MYO15B: variants seen among roughly 807,000 people sequenced by gnomAD.
MYO15B encodes myosin XVB.
MYO15B carries 207 observed loss-of-function variants against 119.3 expected under a neutral mutation model. The ratio of observed to expected loss-of-function variants is 1.73; its 90% CI spans 1.55 to 1.95. MYO15B has a LOEUF of 1.95. Among genes scored for constraint, MYO15B ranks in the 30% most tolerant of loss-of-function variants. MYO15B has a pLI of 0.00. For synonymous variants in MYO15B, 966 were observed against 498.9 expected (o/e 1.94, Z -12.48); for missense variants, 2,264 against 1,203.1 (o/e 1.88, Z -13.04).
chr17:75,592,653 T>C, intron 8 of MYO15B, 26 bp from the exon 9 acceptor site: 1 of 680,804 alleles, frequency 1.5e-6, no homozygotes, highest in East Asian at 2.7e-5. Flanking sequence ...CAGGCCCCGC[T>C]CCCTCACCCC....
exon 1 of MYO15B, chr17:75,588,353 G>T: frequency 5.0e-6 from 2 of 398,576 alleles, no homozygotes; most frequent in Non-Finnish European, 8.8e-6. Flanking sequence ...CAGCGTCAGG[G>T]ACGCGGGCCC....
chr17:75,614,501 C>T, intron 30 of MYO15B, 82 bp from the exon 31 acceptor site: 1 of 677,506 alleles, frequency 1.5e-6, no homozygotes, highest in African/African-American at 1.8e-5. Context: ...GGGGTGACCC[C>T]CGCAGCAGCT....
At chr17:75,615,975 G>A (rs987847724) in intron 36 of MYO15B, 91 bp downstream of exon 36, 2 of 598,014 alleles carry the variant, frequency 3.3e-6, no homozygotes, top group Non-Finnish European at 6.0e-6. Context: ...CAGACACAGG[G>A]AAGAGGCTGC....
exon 4 of MYO15B, chr17:75,591,203 G>A: frequency 1.4e-6 from 1 of 702,934 alleles, no homozygotes; most frequent in Non-Finnish European, 2.6e-6. Context: ...ATCAGCCTAT[G>A]ACCTGGCTCA....
At chr17:75,603,796 T>G (rs760087997) in intron 19 of MYO15B, among the ~76,000 whole-genome samples, 225 of 152,294 alleles carry the variant, frequency 1.5e-3, no homozygotes, top group Middle Eastern at 6.8e-3. Flanking sequence ...TTCAGAAACC[T>G]CCAAGAAAAG....
At chr17:75,626,632 G>C in exon 64 of MYO15B, 1 of 623,524 alleles carries the variant, frequency 1.6e-6, no homozygotes, top group Non-Finnish European at 2.9e-6. Context: ...ATGAGGCAGG[G>C]GCTGCTATCA....
chr17:75,596,049 C>T (rs1298098231), intron 12 of MYO15B, among the ~76,000 whole-genome samples: 2 of 152,222 alleles, frequency 1.3e-5, no homozygotes, highest in Non-Finnish European at 2.9e-5. Flanking sequence ...CTGCATGAAG[C>T]TTCCTAAGAG....
At chr17:75,611,886 G>A in exon 25 of MYO15B, 1 of 702,894 alleles carries the variant, frequency 1.4e-6, no homozygotes, top group Non-Finnish European at 2.6e-6. Context: ...TTGTTCCCAG[G>A]CCATCGGGAC....
intron 51 of MYO15B, 36 bp from the exon 52 acceptor site, chr17:75,621,465 C>T (rs2058707195): frequency 8.6e-6 from 6 of 698,912 alleles, no homozygotes; most frequent in African/African-American, 1.7e-5. Context: ...ACCCCCACGG[C>T]CCCCCAGACC....
intron 21 of MYO15B, among the ~76,000 whole-genome samples, chr17:75,606,423 G>A (rs566557161): frequency 2.7e-5 from 4 of 150,154 alleles, no homozygotes; most frequent in Admixed American, 1.3e-4. Context: ...CAAGTGATTC[G>A]CCTGCCTCAG....
In MYO15B at chr17:75,619,205, G is replaced by C. The variant is rs1322449388; in HGVS notation, c.7050G>C (p.Met2350Ile). Reference sequence around the variant, plus strand: ...TTTCCCAGAATGAGCGGCGGAAAATGAAAGACCTGCTGGGTATGGGTCCAG... The same window carrying C: ...TTTCCCAGAATGAGCGGCGGAAAATCAAAGACCTGCTGGGTATGGGTCCAG... The change falls in exon 44 of 64, where the codon ATG (methionine) becomes ATC (isoleucine). Residue 2350 changes from methionine (M) to isoleucine (I), a missense_variant. Physicochemically the swap from Met to Ile is conservative, Grantham distance 10 (BLOSUM62 1). Transcript: ENST00000645453. 5 of 702,722 alleles carry C rather than the reference G, an allele frequency of 7.1e-6. No homozygotes were observed. The Admixed American group carries it at 8.0e-5, about 11-fold the overall frequency. 43.5% of individuals were successfully genotyped at this position (702,722 alleles called of 1,614,324 possible). A position where few individuals can be genotyped will look rare whatever the true frequency, so the allele number is the denominator to read the frequency against.
exon 38 of MYO15B, chr17:75,616,380 CAGGAGGAGGAGGAGG>C (rs368250560): frequency 3.3e-4 from 200 of 610,020 alleles, no homozygotes; most frequent in Non-Finnish European, 5.3e-4. Context: ...GGGGGAAGCG[CAGGAGGAGGAGGAGG>C]AGGAGGAGGA....
rs953610712 is a variant in MYO15B, at chr17:75,588,021, C to G, written c.-37C>G. The G allele has an allele frequency of 2.5e-5, 10 of 398,438 alleles. No individual in the cohort carries two copies. The Admixed American group carries it at 3.5e-4, about 14-fold the overall frequency. 24.7% of individuals were successfully genotyped at this position (398,438 alleles called of 1,614,324 possible). A position where few individuals can be genotyped will look rare whatever the true frequency, so the allele number is the denominator to read the frequency against. ...CCAAATCCCCGGGGAGGGGAAAGGA[C>G]CTGGGCGTCGGGAAGCCCGTCTCCT... On this transcript the variant is annotated 5_prime_UTR_variant, in exon 1 of 64. Transcript: ENST00000645453.
chr17:75,596,497 A>G (rs1279901420), exon 13 of MYO15B: 31 of 702,900 alleles, frequency 4.4e-5, no homozygotes, highest in East Asian at 3.5e-4. Flanking sequence ...CTGTGCAACA[A>G]CCTCGCCAGC....
In MYO15B at chr17:75,591,458, A is replaced by G; in HGVS notation, c.2436-143A>G. On this transcript the variant is annotated intron_variant, in intron 4 of 63. Coordinates refer to ENST00000645453, the Ensembl canonical transcript of MYO15B. ...TTTTTCTTTTCTGTCGGGTCTCTCC[A>G]TGCCCTGGGACTATCTTTCCACATT... is the stretch of plus-strand genomic sequence containing the variant. 6.3e-6 allele frequency: 4 copies of G among 634,042 alleles called. No homozygotes were observed. The South Asian group carries it at 7.2e-5, about 11-fold the overall frequency. The allele number at this position is 634,042 out of a possible 1,614,324, so 39.3% of individuals were successfully genotyped here. A position where few individuals can be genotyped will look rare whatever the true frequency, so the allele number is the denominator to read the frequency against.
chr17:75,601,523 T>C, exon 15 of MYO15B: 1 of 703,138 alleles, frequency 1.4e-6, no homozygotes, highest in Non-Finnish European at 2.6e-6. Flanking sequence ...CCCCTGCCCG[T>C]GTTCACCGTG....
Position 75,610,846 on chromosome 17 carries a change from C to T in MYO15B, c.4387-54C>T, listed in dbSNP as rs532289828. 7.1e-6 allele frequency: 5 copies of T among 702,348 alleles called. 1 individual carries two copies. The highest frequency in any genetic ancestry group is 4.7e-4 in the Middle Eastern group (2 of 4,262). The allele number at this position is 702,348 out of a possible 1,614,324, so 43.5% of individuals were successfully genotyped here. A position where few individuals can be genotyped will look rare whatever the true frequency, so the allele number is the denominator to read the frequency against. ...GCTGAACTTCAGAGCTGGGGAGGTG[C>T]CCCCAGGTGACTCACATGGGAGGCA... On this transcript the variant is annotated intron_variant, in intron 22 of 63. Coordinates refer to ENST00000645453, the Ensembl canonical transcript of MYO15B.
Position 75,610,155 on chromosome 17 carries a change from C to T in MYO15B, c.4293-11C>T, listed in dbSNP as rs1217181509. 3 of 697,010 alleles carry T rather than the reference C, an allele frequency of 4.3e-6. No homozygotes were observed. The highest frequency in any genetic ancestry group is 3.0e-5 in the South Asian group (2 of 67,130). 43.2% of individuals were successfully genotyped at this position (697,010 alleles called of 1,614,324 possible). ...CTCTTCATTTCGCCCCCGCTCTTTC[C>T]CGGCCTCCAGGAAGCGGTACCTCCG... On this transcript the variant is annotated splice_polypyrimidine_tract_variant and intron_variant, in intron 21 of 63. Transcript: ENST00000645453.
intron 43 of MYO15B, 68 bp from the exon 44 acceptor site, chr17:75,619,075 G>A (rs571730388): frequency 1.3e-5 from 9 of 700,806 alleles, no homozygotes; most frequent in African/African-American, 1.0e-4. Flanking sequence ...CTTCATGCAT[G>A]TGGATGGCTG....
Sources: gnomAD v4.1 joint callset for allele counts (sites outside exome capture counted in the v4.1 genomes callset) on GRCh38, gnomAD v4.1.1 for gene constraint, MANE v1.5 for transcripts, NCBI Gene and HGNC (gene_info 2026-07-23, HGNC 2026-07-21) for gene names.